Variants in SGK3 observed in about 807,000 individuals in gnomAD.
SGK3 encodes serum/glucocorticoid regulated kinase family member 3.
In SGK3, 47 loss-of-function variants were observed where a neutral mutation model predicts 68.5. The ratio of observed to expected loss-of-function variants is 0.69; its 90% CI spans 0.54 to 0.87. The LOEUF (loss-of-function observed/expected upper bound fraction) is 0.87. SGK3 is among the 40% of genes least tolerant of loss of function. The probability of loss-of-function intolerance (pLI) is 0.00; values close to 1 mark genes in which losing one functional copy is unlikely to be tolerated. For missense variants in SGK3, 479 were observed against 575.5 expected, an observed-to-expected ratio of 0.83 and a Z score of 1.72; for synonymous variants, 181 against 189.1, an observed-to-expected ratio of 0.96 and a Z score of 0.35.
chr8:66,781,239 A>T (rs1252268465), intron 1 of SGK3, among the ~76,000 whole-genome samples: 2 of 152,218 alleles, frequency 1.3e-5, no homozygotes, highest in Non-Finnish European at 2.9e-5. Context: ...AGGCTAGGAC[A>T]GCCTTGCTGC....
At chr8:66,719,036 C>T (rs1441485979) in intron 1 of SGK3, among the ~76,000 whole-genome samples, 1 of 151,990 alleles carries the variant, frequency 6.6e-6, no homozygotes, top group African/African-American at 2.4e-5. Context: ...ATGATTGTGC[C>T]ACTGCACTCC....
chr8:66,805,334 A>C lies in SGK3; in HGVS notation c.253+887A>C, dbSNP rs190398720. Among the ~76,000 whole-genome samples, 650 of 151,872 alleles carry C rather than the reference A, an allele frequency of 4.3e-3. 6 individuals are homozygous for C. Among genetic ancestry groups the C allele is most frequent in the African/African-American group, 0.015 (620 of 41,430 alleles). On this transcript the variant is annotated intron_variant, in intron 4 of 16. Coordinates refer to ENST00000521198, the MANE Select transcript of SGK3 (RefSeq NM_001033578.3). Reference sequence around the variant, plus strand: ...GGAGATCGAGACCATCCTGGCTAAAACGGTGAAACCCCGTCTCTACTAAAA... The same window carrying C: ...GGAGATCGAGACCATCCTGGCTAAACCGGTGAAACCCCGTCTCTACTAAAA...
At chr8:66,855,736 A>T (rs1045354063) in intron 16 of SGK3, among the ~76,000 whole-genome samples, 1 of 152,244 alleles carries the variant, frequency 6.6e-6, no homozygotes, top group Non-Finnish European at 1.5e-5. Flanking sequence ...TTTCAATTAT[A>T]TGAAAAGAAG....
rs1808917759 is a variant in SGK3, at chr8:66,823,232, C to T, written c.417+773C>T. Among the ~76,000 whole-genome samples, 2 of 152,114 alleles carry T rather than the reference C, an allele frequency of 1.3e-5. 1 individual carries two copies. The highest frequency in any genetic ancestry group is 4.1e-4 in the South Asian group (2 of 4,832). ...TTGAATTTTGGCCAACAGAAGAGGC[C>T]TTCTTGACCACATTACATCCCACTT... On this transcript the variant is annotated intron_variant, in intron 6 of 16. Transcript: ENST00000521198.
In SGK3 at chr8:66,798,614, C is replaced by T; in HGVS notation, c.169C>T (p.Leu57Phe). 1 of 1,605,464 alleles carries T rather than the reference C, an allele frequency of 6.2e-7. No homozygotes were observed. Among genetic ancestry groups the T allele is most frequent in the South Asian group, 1.1e-5 (1 of 89,144 alleles). The change falls in exon 3 of 17, where the codon CTT (leucine) becomes TTT (phenylalanine). Residue 57 changes from leucine (L) to phenylalanine (F), a missense_variant. Transcript: ENST00000521198. ...VFRRYAEFDKLYNTLKKQFPA... is the reference protein window; with the variant it reads ...VFRRYAEFDKFYNTLKKQFPA... ...CAGGAGATATGCAGAGTTTGATAAA[C>T]TTTATAACACTGTAAGTAATCGTCT... is the stretch of plus-strand genomic sequence containing the variant.
intron 6 of SGK3, 42 bp downstream of exon 6, chr8:66,822,501 T>G: frequency 6.3e-7 from 1 of 1,583,266 alleles, no homozygotes; most frequent in Non-Finnish European, 8.6e-7. Flanking sequence ...AAAATACTAT[T>G]CCAAAGGTGA....
intron 16 of SGK3, among the ~76,000 whole-genome samples, chr8:66,855,070 T>C (rs1277781149): frequency 6.6e-6 from 1 of 152,166 alleles, no homozygotes; most frequent in Admixed American, 6.5e-5. Flanking sequence ...AACCTAAAAG[T>C]AACCCTTGCA....
chr8:66,772,184 C>A (rs1194564612), intron 1 of SGK3, among the ~76,000 whole-genome samples: 2 of 147,288 alleles, frequency 1.4e-5, no homozygotes, highest in African/African-American at 5.1e-5. Flanking sequence ...TAGCCTTGAC[C>A]ACCTGGGCTC....
At chr8:66,803,812 A>G (rs1808048340) in intron 3 of SGK3, among the ~76,000 whole-genome samples, 1 of 151,164 alleles carries the variant, frequency 6.6e-6, no homozygotes, top group Non-Finnish European at 1.5e-5. Flanking sequence ...ATATGCCACC[A>G]TGCCTGGCTT....
chr8:66,826,329 A>G (rs1221211135), intron 6 of SGK3, among the ~76,000 whole-genome samples: 2 of 152,202 alleles, frequency 1.3e-5, no homozygotes, highest in Non-Finnish European at 2.9e-5. Context: ...TTATCTGCAC[A>G]TTCATTAACA....
chr8:66,716,072 T>G (rs2130314649), intron 1 of SGK3, among the ~76,000 whole-genome samples: 1 of 152,330 alleles, frequency 6.6e-6, no homozygotes, highest in Middle Eastern at 3.4e-3. Context: ...TTCATGAAAC[T>G]CAACTTATGT....
intron 6 of SGK3, among the ~76,000 whole-genome samples, chr8:66,827,619 T>C (rs1415593200): frequency 6.6e-6 from 1 of 152,122 alleles, no homozygotes; most frequent in Non-Finnish European, 1.5e-5. Context: ...AAATGATCAC[T>C]GATAGGATTA....
chr8:66,785,282 A>C (rs1038841517), intron 1 of SGK3, among the ~76,000 whole-genome samples: 2 of 152,166 alleles, frequency 1.3e-5, no homozygotes, highest in Non-Finnish European at 2.9e-5. Context: ...GAGTGCTTTC[A>C]CCCACAGCCA....
intron 1 of SGK3, among the ~76,000 whole-genome samples, chr8:66,735,840 T>A (rs995260986): frequency 6.6e-6 from 1 of 152,244 alleles, no homozygotes; most frequent in Non-Finnish European, 1.5e-5. Flanking sequence ...ATTTAGATGT[T>A]TCTTTCTGTG....
At chr8:66,832,008 A>C (rs1267233970) in intron 8 of SGK3, among the ~76,000 whole-genome samples, 3 of 152,172 alleles carry the variant, frequency 2.0e-5, no homozygotes, top group Non-Finnish European at 4.4e-5. Context: ...GGAAATGAAG[A>C]ATAGGGTGAA....
chr8:66,714,875 A>G (rs1481871897), intron 1 of SGK3, among the ~76,000 whole-genome samples: 2 of 152,202 alleles, frequency 1.3e-5, no homozygotes, highest in African/African-American at 4.8e-5. Context: ...CAGAGCTTGA[A>G]TGGAGGGCAG....
chr8:66,758,664 A>G (rs899832148), intron 1 of SGK3, among the ~76,000 whole-genome samples: 8 of 152,110 alleles, frequency 5.3e-5, no homozygotes, highest in African/African-American at 1.9e-4. Context: ...ATTAGATACA[A>G]TGTGGATCCT....
chr8:66,769,637 A>T (rs767636110), intron 1 of SGK3, among the ~76,000 whole-genome samples: 2 of 152,066 alleles, frequency 1.3e-5, no homozygotes, highest in Non-Finnish European at 2.9e-5. Flanking sequence ...TGTATTTTCC[A>T]CTTTAGAGAT....
chr8:66,812,889 G>T (rs999041058), intron 4 of SGK3, among the ~76,000 whole-genome samples: 14 of 152,166 alleles, frequency 9.2e-5, no homozygotes, highest in Non-Finnish European at 1.5e-4. Flanking sequence ...GAAAAGAAAG[G>T]TTTGTGCTTA....
Sources: allele counts gnomAD v4.1 joint callset (sites outside exome capture counted in the v4.1 genomes callset), GRCh38; gene constraint gnomAD v4.1.1; transcripts MANE v1.5; gene names NCBI Gene and HGNC (gene_info 2026-07-23, HGNC 2026-07-21).